PCDH11X: variants seen among roughly 807,000 people sequenced by gnomAD.
PCDH11X encodes the protein protocadherin-11 X-linked.
In PCDH11X, 18 loss-of-function variants were observed where a neutral mutation model predicts 53.3. The ratio of observed to expected loss-of-function variants is 0.34; its 90% CI spans 0.23 to 0.50. The LOEUF is 0.50. Among genes scored for constraint, PCDH11X ranks in the 20% least tolerant of loss-of-function variants. The pLI is 0.98. For synonymous variants in PCDH11X, 279 were observed against 393.3 expected, an observed-to-expected ratio of 0.71 and a Z score of 3.44; for missense variants, 570 against 1,032.4, an observed-to-expected ratio of 0.55 and a Z score of 6.14.
chrX:92,110,890 T>C (rs1253505847), intron 6 of PCDH11X, among the ~76,000 whole-genome samples: 1 of 109,838 alleles, frequency 9.1e-6, no homozygotes, highest in African/African-American at 3.4e-5. Context: ...CACCATATTC[T>C]TGATAGCTCC....
intron 6 of PCDH11X, among the ~76,000 whole-genome samples, chrX:91,952,557 T>A (rs1356159944): frequency 9.0e-6 from 1 of 110,939 alleles, no homozygotes; most frequent in Non-Finnish European, 1.9e-5. Context: ...AGGGGAAAAA[T>A]CATATTTACT....
At chrX:92,445,929 T>C (rs912572336) in intron 9 of PCDH11X, among the ~76,000 whole-genome samples, 8 of 110,734 alleles carry the variant, frequency 7.2e-5, no homozygotes, top group Non-Finnish European at 1.1e-4. Flanking sequence ...ATTAGAAAAT[T>C]ATGCTTTTGT....
At chrX:91,944,753 T>C in intron 6 of PCDH11X, among the ~76,000 whole-genome samples, 1 of 109,664 alleles carries the variant, frequency 9.1e-6, no homozygotes, top group East Asian at 2.9e-4. Context: ...AAGATGAAAC[T>C]AGGATATTTA....
chrX:92,260,781 G>A (rs1160199566), intron 7 of PCDH11X, among the ~76,000 whole-genome samples: 1 of 111,605 alleles, frequency 9.0e-6, no homozygotes, highest in African/African-American at 3.3e-5. Context: ...GATGCAGTAA[G>A]GGAAGTATTC....
intron 8 of PCDH11X, among the ~76,000 whole-genome samples, chrX:92,333,102 A>G: frequency 9.1e-6 from 1 of 109,392 alleles, no homozygotes; most frequent in Non-Finnish European, 1.9e-5. Context: ...GCTAAAAACT[A>G]TTAGGGTTTA....
At chrX:92,079,441 A>G (rs1027655323) in intron 6 of PCDH11X, among the ~76,000 whole-genome samples, 1 of 110,980 alleles carries the variant, frequency 9.0e-6, no homozygotes, top group Non-Finnish European at 1.9e-5. Flanking sequence ...AGATGGCAGG[A>G]AACAGTGCAA....
chrX:91,803,771 A>C (rs755999776), intron 1 of PCDH11X, among the ~76,000 whole-genome samples: 4 of 112,037 alleles, frequency 3.6e-5, no homozygotes, highest in African/African-American at 1.3e-4. Flanking sequence ...AACTGATTAC[A>C]TTCTTTGGAA....
chrX:92,257,369 G>A (rs1409280396), intron 7 of PCDH11X, among the ~76,000 whole-genome samples: 1 of 110,456 alleles, frequency 9.1e-6, no homozygotes, highest in Non-Finnish European at 1.9e-5. Context: ...TCTGCCCCTG[G>A]CCTCCCCCAA....
chrX:92,007,344 C>T (rs1304613174), intron 6 of PCDH11X, among the ~76,000 whole-genome samples: 1 of 111,807 alleles, frequency 8.9e-6, no homozygotes, highest in Non-Finnish European at 1.9e-5. Flanking sequence ...TCCCACTCTT[C>T]CCCCCTCTTT....
At chrX:92,249,802 C>T (rs2067423034) in intron 7 of PCDH11X, among the ~76,000 whole-genome samples, 1 of 111,559 alleles carries the variant, frequency 9.0e-6, no homozygotes, top group Non-Finnish European at 1.9e-5. Flanking sequence ...TTTATATAAT[C>T]TGCATGTTCC....
At chrX:91,809,437 C>A (rs1046786761) in intron 1 of PCDH11X, among the ~76,000 whole-genome samples, 29 bp from the exon 2 acceptor site, 2 of 110,584 alleles carry the variant, frequency 1.8e-5, no homozygotes, top group African/African-American at 6.6e-5. Context: ...TCCCCCACTA[C>A]ATAAACTTAA....
At position 91,890,384 on chromosome X, in the gene PCDH11X, T is replaced by C. The variant is rs377046004; in HGVS notation, c.3033+11111T>C. Among the ~76,000 whole-genome samples the C allele has an allele frequency of 4.3e-3, 479 of 111,454 alleles. 1 individual carries two copies. The highest frequency in any genetic ancestry group is 0.014 in the Middle Eastern group (3 of 212). On this transcript the variant is annotated intron_variant, in intron 6 of 10. Transcript: ENST00000682573. ...ATATCATCCCATATATAATCTTTCA[T>C]TTAGAAAATCCTTGTCATATCCAGT...
chrX:91,971,433 A>C (rs1317477842), intron 6 of PCDH11X, among the ~76,000 whole-genome samples: 1 of 108,301 alleles, frequency 9.2e-6, no homozygotes, highest in Admixed American at 1.0e-4. Flanking sequence ...ATAAGCTCTA[A>C]ACCAGGGAAC....
chrX:91,822,659 G>A (rs1241882308), intron 4 of PCDH11X, among the ~76,000 whole-genome samples: 7 of 94,792 alleles, frequency 7.4e-5, no homozygotes, highest in African/African-American at 2.2e-4. Context: ...AGGGTTTTTT[G>A]TGTCTCTATT....
chrX:92,261,919 C>T (rs2067724070), intron 7 of PCDH11X, among the ~76,000 whole-genome samples: 1 of 111,135 alleles, frequency 9.0e-6, no homozygotes, highest in Non-Finnish European at 1.9e-5. Flanking sequence ...TATCATTGAG[C>T]CATTGATGGT....
chrX:92,370,290 C>T (rs1350868996), intron 8 of PCDH11X, among the ~76,000 whole-genome samples: 36 of 107,078 alleles, frequency 3.4e-4, no homozygotes, highest in African/African-American at 1.2e-3. Context: ...TGATTTCATT[C>T]GTATTAATTA....
At chrX:91,952,719 T>A (rs749628923) in intron 6 of PCDH11X, among the ~76,000 whole-genome samples, 64 of 111,733 alleles carry the variant, frequency 5.7e-4, no homozygotes, top group African/African-American at 2.0e-3. Context: ...AATCAGTACA[T>A]CGAAGAGATA....
At chrX:92,552,196 A>C (rs1284433234) in intron 10 of PCDH11X, among the ~76,000 whole-genome samples, 4 of 79,452 alleles carry the variant, frequency 5.0e-5, no homozygotes, top group Admixed American at 1.3e-4. Context: ...AATATCTTTC[A>C]ATTTTTTGGT....
chrX:92,587,132 C>A (rs1187131378), intron 10 of PCDH11X, among the ~76,000 whole-genome samples: 1 of 109,770 alleles, frequency 9.1e-6, no homozygotes, highest in African/African-American at 3.3e-5. Context: ...TTTACAGCAT[C>A]TTATTTCTTT....
Sources: gnomAD v4.1 joint callset for allele counts (sites outside exome capture counted in the v4.1 genomes callset) on GRCh38, gnomAD v4.1.1 for gene constraint, MANE v1.5 for transcripts, NCBI Gene and HGNC (gene_info 2026-07-23, HGNC 2026-07-21) for gene names.